The following TAX1BP1 variants were observed in gnomAD, a reference collection of about 807,000 sequenced individuals.
TAX1BP1 encodes Tax1 binding protein 1.
TAX1BP1 carries 62 observed loss-of-function variants against 97.7 expected under a neutral mutation model. The ratio of observed to expected loss-of-function variants is 0.63; its 90% CI spans 0.52 to 0.78. The LOEUF (loss-of-function observed/expected upper bound fraction) is 0.78. TAX1BP1 is among the 30% of genes least tolerant of loss of function. TAX1BP1 has a pLI of 0.00. For synonymous variants in TAX1BP1, 340 were observed against 304.2 expected, an observed-to-expected ratio of 1.12 and a Z score of -1.23; for missense variants, 867 against 916.1, an observed-to-expected ratio of 0.95 and a Z score of 0.69.
At chr7:27,768,039 T>G (rs1480261364) in intron 4 of TAX1BP1, among the ~76,000 whole-genome samples, 1 of 151,886 alleles carries the variant, frequency 6.6e-6, no homozygotes, top group Non-Finnish European at 1.5e-5. Context: ...GTGTCCTAGA[T>G]TTAAAAAAAA....
In TAX1BP1 at chr7:27,816,418, T is replaced by C. The variant is rs764074046; in HGVS notation, c.1834T>C (p.Cys612Arg). ...MEGQNSQSPQCFKTCSEQNGY... is the reference protein window; with the variant it reads ...MEGQNSQSPQRFKTCSEQNGY... ...AGGTCAGAATTCCCAGAGTCCTCAA[T>C]GTTTCAAAACATGCTCAGAGCAAAA... Residue 612 changes from cysteine (C) to arginine (R), a missense_variant, in exon 14 of 17, where the codon TGT becomes CGT. Cys to Arg is a radical substitution (Grantham distance 180). This residue lies in a region of TAX1BP1 where 822 missense variants were observed against 851.4 expected (regional missense o/e 0.97). Transcript: ENST00000396319. The C allele has an allele frequency of 6.3e-7, 1 of 1,585,104 alleles. No homozygotes were observed. The highest frequency in any genetic ancestry group is 1.2e-5 in the South Asian group (1 of 84,330).
At chr7:27,762,063 A>G (rs556355121) in intron 3 of TAX1BP1, among the ~76,000 whole-genome samples, 4 of 152,268 alleles carry the variant, frequency 2.6e-5, no homozygotes, top group Non-Finnish European at 4.4e-5. Flanking sequence ...TGAATTTTGC[A>G]TATGTTTGGT....
intron 5 of TAX1BP1, among the ~76,000 whole-genome samples, chr7:27,776,905 G>T (rs1789054803): frequency 6.8e-6 from 1 of 146,596 alleles, no homozygotes; most frequent in East Asian, 2.0e-4. Context: ...TCTTTTCTTT[G>T]CAATATTTAA....
intron 4 of TAX1BP1, among the ~76,000 whole-genome samples, chr7:27,768,992 A>T (rs1788744086): frequency 6.6e-6 from 1 of 151,962 alleles, no homozygotes; most frequent in Non-Finnish European, 1.5e-5. Context: ...CTATCTTATG[A>T]CCATTTATTT....
chr7:27,768,692 A>G (rs1002224826), intron 4 of TAX1BP1, among the ~76,000 whole-genome samples: 2 of 152,016 alleles, frequency 1.3e-5, no homozygotes, highest in Non-Finnish European at 2.9e-5. Context: ...TTAAAAATAG[A>G]TAAGATATAA....
At chr7:27,794,113 T>C (rs1454165125) in intron 10 of TAX1BP1, among the ~76,000 whole-genome samples, 7 of 152,196 alleles carry the variant, frequency 4.6e-5, no homozygotes, top group African/African-American at 7.2e-5. Context: ...AAAAGCAAAA[T>C]ATAGTATATT....
At position 27,793,279 on chromosome 7, in the gene TAX1BP1, G is replaced by A. The variant is rs957599411; in HGVS notation, c.1410+67G>A. 9 of 1,348,608 alleles carry A rather than the reference G, an allele frequency of 6.7e-6. No individual in the cohort carries two copies. The African/African-American group carries it at 9.1e-5, about 14-fold the overall frequency. The allele number at this position is 1,348,608 out of a possible 1,614,324, so 83.5% of individuals were successfully genotyped here. A position where few individuals can be genotyped will look rare whatever the true frequency, so the allele number is the denominator to read the frequency against. ...GTATTTTTGTTCGAAAATCAAATTT[G>A]TAATATTCCAAATATCAACCTTTTA... is the stretch of plus-strand genomic sequence containing the variant. On this transcript the variant is annotated intron_variant, in intron 10 of 16. Coordinates refer to ENST00000396319, the MANE Select transcript of TAX1BP1 (RefSeq NM_006024.7).
Position 27,806,088 on chromosome 7 carries a change from G to GTT in TAX1BP1, c.1764+6012_1764+6013dup, listed in dbSNP as rs70974502. On this transcript the variant is annotated intron_variant, in intron 13 of 16. Coordinates refer to ENST00000396319, the MANE Select transcript of TAX1BP1 (RefSeq NM_006024.7). The stretch of plus-strand genomic sequence containing the variant: ...TTGTTCTAATACTGATAGAGTTTCA[G>GTT]TTTTTTTTTTTTTTTGAGGTGGTGT... Among the ~76,000 whole-genome samples the GTT allele has an allele frequency of 4.2e-3, 595 of 142,610 alleles. 5 individuals are homozygous for GTT. Among genetic ancestry groups the GTT allele is most frequent in the Middle Eastern group, 7.2e-3 (2 of 278 alleles). The allele number at this position is 142,610 out of a possible 152,430, so 93.6% of individuals were successfully genotyped here. A position where few individuals can be genotyped will look rare whatever the true frequency, so the allele number is the denominator to read the frequency against.
chr7:27,752,326 T>A (rs1051787299), intron 2 of TAX1BP1, among the ~76,000 whole-genome samples: 5 of 152,198 alleles, frequency 3.3e-5, no homozygotes, highest in African/African-American at 1.2e-4. Context: ...GGCTTGAGTA[T>A]AGATAATTGG....
chr7:27,818,959 C>T (rs1790876804), intron 15 of TAX1BP1, among the ~76,000 whole-genome samples: 1 of 152,130 alleles, frequency 6.6e-6, no homozygotes, highest in Non-Finnish European at 1.5e-5. Context: ...ATGGACTAAA[C>T]CAGAGGTTTT....
In TAX1BP1 at chr7:27,785,056, T is replaced by C. The variant is rs547502847; in HGVS notation, c.613-107T>C. 2.6e-4 allele frequency: 304 copies of C among 1,148,892 alleles called. No homozygotes were observed. In the African/African-American group the frequency reaches 4.4e-3, roughly 17 times the overall value. 71.2% of individuals were successfully genotyped at this position (1,148,892 alleles called of 1,614,324 possible). ...GCTTCTCAAATTTGGAGGGAACAAA[T>C]GTGGGATTAAAATTCTAAGAATACA... is the stretch of plus-strand genomic sequence containing the variant. On this transcript the variant is annotated intron_variant, in intron 5 of 16. Coordinates refer to ENST00000396319, the MANE Select transcript of TAX1BP1 (RefSeq NM_006024.7).
At chr7:27,804,629 CATA>C (rs1272859179) in intron 13 of TAX1BP1, among the ~76,000 whole-genome samples, 1 of 152,204 alleles carries the variant, frequency 6.6e-6, no homozygotes, top group Non-Finnish European at 1.5e-5. Flanking sequence ...GTAATTCACA[CATA>C]AGTACTTAAT....
chr7:27,814,719 A>C (rs1475105926), intron 13 of TAX1BP1, among the ~76,000 whole-genome samples: 1 of 149,844 alleles, frequency 6.7e-6, no homozygotes, highest in African/African-American at 2.5e-5. Context: ...CAACCTGACT[A>C]AATTATTTAC....
At chr7:27,755,433 C>T (rs959690135) in intron 2 of TAX1BP1, among the ~76,000 whole-genome samples, 20 of 152,066 alleles carry the variant, frequency 1.3e-4, no homozygotes, top group African/African-American at 4.8e-4. Flanking sequence ...ATATGCTTTC[C>T]TCAACCTAAT....
chr7:27,816,955 G>A lies in TAX1BP1; in HGVS notation c.2002G>A (p.Gly668Arg). 1 of 1,614,044 alleles carries A rather than the reference G, an allele frequency of 6.2e-7. No individual in the cohort carries two copies. The highest frequency in any genetic ancestry group is 8.5e-7 in the Non-Finnish European group (1 of 1,179,990). The change falls in exon 15 of 17, where the codon GGA becomes AGA. Residue 668 changes from glycine to arginine, a missense_variant. Gly to Arg is a moderately radical substitution (Grantham distance 125). This residue lies in a region of TAX1BP1 where 822 missense variants were observed against 851.4 expected (regional missense o/e 0.97). Coordinates refer to ENST00000396319, the MANE Select transcript of TAX1BP1 (RefSeq NM_006024.7). ...GCCACCTGTCAGAGTCCCCTCTTGG[G>A]GACTGGAAGACAATGTTGTCTGCAG... ...QRPPVRVPSWGLEDNVVCSQP... is the reference protein window; with the variant it reads ...QRPPVRVPSWRLEDNVVCSQP...
chr7:27,817,561 A>T (rs1187387028), intron 15 of TAX1BP1, among the ~76,000 whole-genome samples: 1 of 152,148 alleles, frequency 6.6e-6, no homozygotes, highest in African/African-American at 2.4e-5. Context: ...ACTATTTGAG[A>T]TGTCTTTAGT....
intron 1 of TAX1BP1, among the ~76,000 whole-genome samples, chr7:27,746,310 A>C (rs1274061804): frequency 6.6e-6 from 1 of 151,662 alleles, no homozygotes; most frequent in Non-Finnish European, 1.5e-5. Context: ...GTTGTATCTA[A>C]TAGATGTTGG....
intron 10 of TAX1BP1, 132 bp downstream of exon 10, chr7:27,793,344 A>C (rs1789791988): frequency 1.2e-6 from 1 of 818,744 alleles, no homozygotes; most frequent in South Asian, 2.5e-5. Context: ...TCATTGGCCA[A>C]ATATTGTAAT....
At chr7:27,779,783 C>T (rs969343534) in intron 5 of TAX1BP1, among the ~76,000 whole-genome samples, 5 of 152,064 alleles carry the variant, frequency 3.3e-5, no homozygotes, top group Admixed American at 3.3e-4. Context: ...TATTCGGGGG[C>T]CTTGTTACCT....
Sources: gnomAD v4.1 joint callset for allele counts (sites outside exome capture counted in the v4.1 genomes callset) on GRCh38, gnomAD v4.1.1 for gene constraint, gnomAD v4.1.1 regional missense constraint, MANE v1.5 for transcripts, NCBI Gene and HGNC (gene_info 2026-07-23, HGNC 2026-07-21) for gene names.